Variants in DPYD observed in about 807,000 individuals in gnomAD.
DPYD encodes dihydropyrimidine dehydrogenase [NADP(+)].
A neutral mutation model predicts 116.2 loss-of-function variants in DPYD; 109 were observed. The observed-to-expected ratio is 0.94, with a 90% CI of 0.80 to 1.10. DPYD has a LOEUF of 1.10. Ranked by LOEUF, DPYD falls within the 50% of genes least tolerant of loss-of-function variation. The pLI, the probability that DPYD is intolerant of heterozygous loss-of-function variation, is 0.00. For missense variants in DPYD, 1,302 were observed against 1,254.5 expected, an observed-to-expected ratio of 1.04 and a Z score of -0.57; for synonymous variants, 440 against 432.0, an observed-to-expected ratio of 1.02 and a Z score of -0.23.
chr1:97,892,281 T>C (rs1672817873), intron 1 of DPYD, among the ~76,000 whole-genome samples: 1 of 151,876 alleles, frequency 6.6e-6, no homozygotes, highest in Non-Finnish European at 1.5e-5. Flanking sequence ...ACAATCTAAC[T>C]AAGGCTGGTC....
intron 14 of DPYD, among the ~76,000 whole-genome samples, chr1:97,397,019 G>A (rs1043279903): frequency 1.3e-5 from 2 of 152,022 alleles, no homozygotes; most frequent in Admixed American, 6.6e-5. Context: ...CTCAATGTGA[G>A]AACATGCTAA....
chr1:97,209,516 A>G (rs1659898478), intron 19 of DPYD, among the ~76,000 whole-genome samples: 1 of 152,088 alleles, frequency 6.6e-6, no homozygotes. Flanking sequence ...GTAATGTGTG[A>G]TGTATTTGGC....
intron 12 of DPYD, among the ~76,000 whole-genome samples, chr1:97,527,328 T>C (rs375533505): frequency 8.8e-4 from 134 of 152,158 alleles, no homozygotes; most frequent in East Asian, 3.5e-3. Context: ...CTGCCTGCCT[T>C]GGCCTCCCAA....
chr1:97,548,751 AT>A (rs1469562598), intron 12 of DPYD, among the ~76,000 whole-genome samples: 3 of 152,122 alleles, frequency 2.0e-5, no homozygotes, highest in Non-Finnish European at 2.9e-5. Context: ...ATATAAAAAA[AT>A]TAAATTTAAT....
intron 14 of DPYD, among the ~76,000 whole-genome samples, chr1:97,407,804 C>A (rs1209817361): frequency 6.6e-6 from 1 of 152,116 alleles, no homozygotes; most frequent in Non-Finnish European, 1.5e-5. Context: ...CCTGTTCCCA[C>A]AACATTATGT....
intron 18 of DPYD, among the ~76,000 whole-genome samples, chr1:97,255,303 A>G (rs570521374): frequency 6.6e-6 from 1 of 152,206 alleles, no homozygotes; most frequent in South Asian, 2.1e-4. Flanking sequence ...AATATTAAGT[A>G]ATTTAATCTT....
At chr1:97,350,371 T>C (rs1670079809) in intron 16 of DPYD, among the ~76,000 whole-genome samples, 1 of 152,134 alleles carries the variant, frequency 6.6e-6, no homozygotes, top group African/African-American at 2.4e-5. Flanking sequence ...TAAAAATAAT[T>C]TAGTCATTCA....
chr1:97,731,417 A>G (rs1663606296), intron 4 of DPYD, among the ~76,000 whole-genome samples: 2 of 152,236 alleles, frequency 1.3e-5, no homozygotes, highest in South Asian at 4.1e-4. Context: ...GTAGTTTTCA[A>G]AAAAACTAAA....
At chr1:97,612,581 CA>C (rs890690125) in intron 8 of DPYD, among the ~76,000 whole-genome samples, 15 of 152,064 alleles carry the variant, frequency 9.9e-5, no homozygotes, top group Non-Finnish European at 5.9e-5. Flanking sequence ...ATATGCACCT[CA>C]CTGAAAATCT....
chr1:97,171,471 G>A (rs980527350), intron 20 of DPYD, among the ~76,000 whole-genome samples: 1 of 152,118 alleles, frequency 6.6e-6, no homozygotes, highest in Non-Finnish European at 1.5e-5. Context: ...TCTCTGGACA[G>A]GATAACAAGT....
intron 2 of DPYD, among the ~76,000 whole-genome samples, chr1:97,849,405 C>T (rs1002532580): frequency 6.6e-6 from 1 of 152,078 alleles, no homozygotes; most frequent in African/African-American, 2.4e-5. Context: ...TTACTGAGTT[C>T]TTACTCTATA....
chr1:97,786,509 T>C (rs1667040294), intron 3 of DPYD, among the ~76,000 whole-genome samples: 1 of 152,206 alleles, frequency 6.6e-6, no homozygotes, highest in Non-Finnish European at 1.5e-5. Context: ...GATTATCTTA[T>C]TTTATACCAA....
chr1:97,895,142 T>C (rs1014002153), intron 1 of DPYD, among the ~76,000 whole-genome samples: 2 of 151,808 alleles, frequency 1.3e-5, no homozygotes, highest in African/African-American at 4.8e-5. Flanking sequence ...TTTACAGAAA[T>C]TGCCTGGCTC....
At chr1:97,672,652 G>T (rs1363751886) in intron 8 of DPYD, among the ~76,000 whole-genome samples, 1 of 152,028 alleles carries the variant, frequency 6.6e-6, no homozygotes, top group Non-Finnish European at 1.5e-5. Context: ...TAAAGCAAAT[G>T]GTCTAAAAAC....
chr1:97,597,199 T>C (rs76125757), intron 8 of DPYD, among the ~76,000 whole-genome samples: 2,004 of 152,304 alleles, frequency 0.013, 23 homozygotes, highest in Middle Eastern at 0.024. Context: ...CATATACATA[T>C]GCTACATATA....
intron 2 of DPYD, among the ~76,000 whole-genome samples, chr1:97,842,137 C>A (rs1226289796): frequency 6.6e-6 from 1 of 151,710 alleles, no homozygotes; most frequent in African/African-American, 2.4e-5. Flanking sequence ...TGATAAAATT[C>A]TTAAAAACTG....
At chr1:97,469,628 GATAAA>G (rs1236958198) in intron 13 of DPYD, among the ~76,000 whole-genome samples, 2 of 152,070 alleles carry the variant, frequency 1.3e-5, no homozygotes, top group East Asian at 1.9e-4. Flanking sequence ...CTGCTTCTCT[GATAAA>G]ATTAAACTAT....
intron 2 of DPYD, among the ~76,000 whole-genome samples, chr1:97,845,283 T>C (rs1261077335): frequency 7.2e-5 from 11 of 152,108 alleles, no homozygotes; most frequent in Non-Finnish European, 1.5e-4. Flanking sequence ...CAGCCACCTA[T>C]AGACCAATCA....
intron 13 of DPYD, among the ~76,000 whole-genome samples, chr1:97,486,931 A>G (rs1168400376): frequency 6.6e-6 from 1 of 151,890 alleles, no homozygotes; most frequent in Non-Finnish European, 1.5e-5. Flanking sequence ...TAAAATAGCA[A>G]GCATTAATTA....
Sources: gnomAD v4.1 joint callset for allele counts (sites outside exome capture counted in the v4.1 genomes callset) on GRCh38, gnomAD v4.1.1 for gene constraint, MANE v1.5 for transcripts, NCBI Gene and HGNC (gene_info 2026-07-23, HGNC 2026-07-21) for gene names.